The following LMBR1 variants were observed in gnomAD, a reference collection of about 807,000 sequenced individuals.
The protein encoded by LMBR1 is limb region 1 protein homolog.
LMBR1 carries 52 observed loss-of-function variants against 73.9 expected under a neutral mutation model. The observed-to-expected ratio is 0.70, with a 90% CI of 0.56 to 0.89. The LOEUF (loss-of-function observed/expected upper bound fraction) is 0.89. Ranked by LOEUF, LMBR1 falls within the 40% of genes least tolerant of loss-of-function variation. The pLI is 0.00. For synonymous variants in LMBR1, 215 were observed against 209.4 expected (o/e 1.03, Z -0.23); for missense variants, 539 against 579.8 (o/e 0.93, Z 0.72).
intron 1 of LMBR1, among the ~76,000 whole-genome samples, chr7:156,863,660 T>C (rs1216517447): frequency 6.6e-6 from 1 of 152,210 alleles, no homozygotes; most frequent in African/African-American, 2.4e-5. Context: ...AGAGTTCTGG[T>C]TGCTTCCCAT....
At chr7:156,728,757 T>C (rs1196525674) in intron 10 of LMBR1, 37 bp from the exon 11 acceptor site, 1 of 1,416,606 alleles carries the variant, frequency 7.1e-7, no homozygotes, top group South Asian at 1.2e-5. Flanking sequence ...CAAAGTTTTC[T>C]CCAAATTAAC....
Position 156,684,037 on chromosome 7 carries a change from T to G in LMBR1, c.*41A>C. 1 of 1,487,892 alleles carries G rather than the reference T, an allele frequency of 6.7e-7. No individual in the cohort carries two copies. Among genetic ancestry groups the G allele is most frequent in the Non-Finnish European group, 9.4e-7 (1 of 1,067,300 alleles). 92.2% of individuals were successfully genotyped at this position (1,487,892 alleles called of 1,614,324 possible). ...GGACAGGAATGTCGTGAATCTGGAG[T>G]TCTCGGGTCTCTTGGTGGCAGAAGA... On this transcript the variant is annotated 3_prime_UTR_variant, in exon 17 of 17. Transcript: ENST00000353442.
At chr7:156,707,452 C>G (rs1445619717) in intron 15 of LMBR1, among the ~76,000 whole-genome samples, 3 of 152,160 alleles carry the variant, frequency 2.0e-5, no homozygotes, top group Admixed American at 1.3e-4. Context: ...CTGATAAACA[C>G]AGATGCAAAA....
At chr7:156,879,822 G>C (rs1426349774) in intron 1 of LMBR1, among the ~76,000 whole-genome samples, 1 of 152,174 alleles carries the variant, frequency 6.6e-6, no homozygotes, top group East Asian at 1.9e-4. Context: ...ACTCCTGCAA[G>C]AATGGCTGTA....
At chr7:156,712,430 A>C (rs1042164606) in intron 15 of LMBR1, among the ~76,000 whole-genome samples, 1 of 152,252 alleles carries the variant, frequency 6.6e-6, no homozygotes, top group East Asian at 1.9e-4. Flanking sequence ...AAATTATTAC[A>C]ACCTCTATGG....
chr7:156,778,938 A>G (rs1038383549), intron 5 of LMBR1, among the ~76,000 whole-genome samples: 2 of 152,204 alleles, frequency 1.3e-5, no homozygotes, highest in African/African-American at 2.4e-5. Flanking sequence ...GAAGCTTCCT[A>G]TCAACTCCAT....
At chr7:156,821,485 G>C (rs922678091) in intron 4 of LMBR1, among the ~76,000 whole-genome samples, 10 of 152,350 alleles carry the variant, frequency 6.6e-5, no homozygotes, top group Admixed American at 4.6e-4. Context: ...CTGTACATCT[G>C]GTGGTTTGCT....
chr7:156,873,282 C>T (rs1429937683), intron 1 of LMBR1, among the ~76,000 whole-genome samples: 3 of 151,580 alleles, frequency 2.0e-5, no homozygotes, highest in East Asian at 1.9e-4. Flanking sequence ...CTTAAGGCAG[C>T]GCGTCTGGAG....
chr7:156,684,538 C>A (rs1045885532), intron 16 of LMBR1, among the ~76,000 whole-genome samples: 3 of 152,206 alleles, frequency 2.0e-5, no homozygotes, highest in Admixed American at 1.3e-4. Context: ...CTCTGCACAG[C>A]CCCTTCCTCT....
At chr7:156,686,905 T>G (rs867671074) in intron 16 of LMBR1, among the ~76,000 whole-genome samples, 12 of 152,366 alleles carry the variant, frequency 7.9e-5, no homozygotes, top group Middle Eastern at 6.8e-3. Context: ...CCAGCTTTAT[T>G]AAACCTAAGC....
At chr7:156,824,093 AAAC>A (rs71522057) in intron 4 of LMBR1, among the ~76,000 whole-genome samples, 45,619 of 149,958 alleles carry the variant, frequency 0.3, 7,523 homozygotes, top group East Asian at 0.46. Context: ...CCATCTCAAA[AAAC>A]AACAACAACA....
chr7:156,768,438 G>C (rs1375913114), intron 5 of LMBR1, among the ~76,000 whole-genome samples: 1 of 152,156 alleles, frequency 6.6e-6, no homozygotes, highest in African/African-American at 2.4e-5. Context: ...ATGCAAATTT[G>C]ATAAGAAATT....
chr7:156,767,630 A>G (rs913997666), intron 5 of LMBR1, among the ~76,000 whole-genome samples: 1 of 151,978 alleles, frequency 6.6e-6, no homozygotes, highest in South Asian at 2.1e-4. Context: ...TAACAGTAAT[A>G]GTAACTAGTA....
In LMBR1 at chr7:156,763,181, T is replaced by TA. The variant is rs772256899; in HGVS notation, c.551-6dup. The TA allele has an allele frequency of 4.4e-5, 52 of 1,179,784 alleles. No homozygotes were observed. The highest frequency in any genetic ancestry group is 1.8e-4 in the Admixed American group (8 of 43,502). 73.1% of individuals were successfully genotyped at this position (1,179,784 alleles called of 1,614,324 possible). A position where few individuals can be genotyped will look rare whatever the true frequency, so the allele number is the denominator to read the frequency against. ...GTAGATAGAACTCCCAGAGATCTAT[T>TA]AAAAAAAAGTAAATATATTTTAATA... On this transcript the variant is annotated splice_polypyrimidine_tract_variant and splice_region_variant and intron_variant, in intron 6 of 16. Transcript: ENST00000353442.
chr7:156,870,341 A>G (rs1476121139), intron 1 of LMBR1, among the ~76,000 whole-genome samples: 1 of 152,274 alleles, frequency 6.6e-6, no homozygotes, highest in Non-Finnish European at 1.5e-5. Context: ...AAATTTAAGA[A>G]GGCTGAAATC....
intron 5 of LMBR1, among the ~76,000 whole-genome samples, chr7:156,773,304 A>G (rs576456273): frequency 6.6e-6 from 1 of 152,322 alleles, no homozygotes; most frequent in East Asian, 1.9e-4. Flanking sequence ...TATTCCTATC[A>G]AACTACCAAT....
At chr7:156,796,557 A>G (rs1830081551) in intron 4 of LMBR1, 65 bp from the exon 5 acceptor site, 2 of 999,132 alleles carry the variant, frequency 2.0e-6, no homozygotes, top group Admixed American at 6.0e-5. Flanking sequence ...GTATTAATCA[A>G]GATCTATACT....
intron 1 of LMBR1, among the ~76,000 whole-genome samples, chr7:156,837,786 C>CTTTTTTTTTT (rs200071206): frequency 7.4e-6 from 1 of 135,326 alleles, no homozygotes; most frequent in African/African-American, 2.7e-5. Context: ...TTTAATTTTG[C>CTTTTTTTTTT]TTTTTTTTTT....
intron 1 of LMBR1, among the ~76,000 whole-genome samples, chr7:156,856,693 G>A (rs996033159): frequency 2.0e-5 from 3 of 151,492 alleles, no homozygotes; most frequent in African/African-American, 7.3e-5. Flanking sequence ...GCGACAGAGT[G>A]AGACTCCATC....
Sources: gnomAD v4.1 joint callset for allele counts (sites outside exome capture counted in the v4.1 genomes callset) on GRCh38, gnomAD v4.1.1 for gene constraint, MANE v1.5 for transcripts, NCBI Gene and HGNC (gene_info 2026-07-23, HGNC 2026-07-21) for gene names.